LDHD: variants seen among roughly 807,000 people sequenced by gnomAD.
LDHD encodes D-lactate dehydrogenase, mitochondrial.
Under a neutral mutation model 52.9 loss-of-function variants are expected in LDHD, and 58 were observed. That is an observed-to-expected ratio of 1.10 (90% CI 0.89 to 1.36). The LOEUF (loss-of-function observed/expected upper bound fraction) is 1.36. LDHD is among the 40% of genes most tolerant of loss of function. LDHD has a pLI of 0.00. For synonymous variants in LDHD, 350 were observed against 288.6 expected, an observed-to-expected ratio of 1.21 and a Z score of -2.16; for missense variants, 747 against 668.0, an observed-to-expected ratio of 1.12 and a Z score of -1.30.
At chr16:75,116,484 C>T in intron 1 of LDHD, 165 bp downstream of exon 1, 1 of 587,126 alleles carries the variant, frequency 1.7e-6, no homozygotes, top group Non-Finnish European at 3.0e-6. Flanking sequence ...TGATCTCACT[C>T]TACACCCACC....
chr16:75,114,394 CA>C, intron 5 of LDHD, 131 bp downstream of exon 5: 4 of 1,365,690 alleles, frequency 2.9e-6, no homozygotes, highest in Non-Finnish European at 3.9e-6. Context: ...GACAGGGCTT[CA>C]GAGCCTGAGG....
rs1329099210 is a variant in LDHD at position 75,113,538 on chromosome 16, G to A, written c.1083C>T (p.Cys361=). 6.2e-7 allele frequency: 1 copy of A among 1,605,410 alleles called. No homozygotes were observed. Among genetic ancestry groups the A allele is most frequent in the Admixed American group, 1.7e-5 (1 of 58,608 alleles). ...CTGTACCCCAGCCCCAGCTCACCTT[G>A]CAGCCTGGCCGCGTGGCCAGGGCTG... ...WYAALATRPG[C]KGYSTDVCVP... is the part of the protein sequence containing the mutation. Residue 361 remains cysteine, a synonymous_variant, in exon 8 of 11, where the codon TGC becomes TGT. Transcript: ENST00000450168.
rs376526228 is a variant in LDHD, at chr16:75,116,642, C to T, written c.72+7G>A. 1.2e-6 allele frequency: 2 copies of T among 1,605,702 alleles called. No homozygotes were observed. Among genetic ancestry groups the T allele is most frequent in the Non-Finnish European group, 8.5e-7 (1 of 1,176,266 alleles). Reference sequence around the variant, plus strand: ...CCCTCCAGAGGACTTCTCTTCTCTCCCGGTACCTTTGCCTTCTGGGAGCAG... The same window carrying T: ...CCCTCCAGAGGACTTCTCTTCTCTCTCGGTACCTTTGCCTTCTGGGAGCAG... On this transcript the variant is annotated splice_region_variant and intron_variant, in intron 1 of 10. Coordinates refer to ENST00000450168, the MANE Select transcript of LDHD (RefSeq NM_194436.3).
In LDHD at chr16:75,112,600, A is replaced by G; in HGVS notation, c.1289+2T>C. ...TCTTCCCCTCCCTGGCTTTGCTCCT[A>G]CCTGCCCAGCTGTTCTGCAAAAGCC... On this transcript the variant is annotated splice_donor_variant, in intron 10 of 10. Transcript: ENST00000450168. LOFTEE classifies it high-confidence loss of function. The G allele has an allele frequency of 6.2e-7, 1 of 1,613,948 alleles. No homozygotes were observed. The highest frequency in any genetic ancestry group is 8.5e-7 in the Non-Finnish European group (1 of 1,179,990).
In LDHD at chr16:75,112,920, T is replaced by G. The variant is rs751029894; in HGVS notation, c.1091A>C (p.Tyr364Ser). Residue 364 changes from tyrosine (Y) to serine (S), a missense_variant, in exon 9 of 11, where the codon TAC becomes TCC. By Grantham distance (144) the Tyr-to-Ser change is moderately radical. Coordinates refer to ENST00000450168, the MANE Select transcript of LDHD (RefSeq NM_194436.3). ...ALATRPGCKG[Y>S]STDVCVPISR... Reference sequence around the variant, plus strand: ...GATGGGCACACACACATCCGTGGAGTAGCCCTGGTCAGAGGGAAGCCTATG... The same window carrying G: ...GATGGGCACACACACATCCGTGGAGGAGCCCTGGTCAGAGGGAAGCCTATG... The G allele has an allele frequency of 6.2e-7, 1 of 1,610,492 alleles. No homozygotes were observed. The highest frequency in any genetic ancestry group is 8.5e-7 in the Non-Finnish European group (1 of 1,179,350).
In LDHD at chr16:75,114,181, A is replaced by C. The variant is rs2036482125; in HGVS notation, c.630-16T>G. ...TGCACTCTTCCTACGTCCCAGGGAC[A>C]CACAAGGTGAGTACCAGGCTGTGTG... On this transcript the variant is annotated splice_polypyrimidine_tract_variant and intron_variant, in intron 5 of 10. Coordinates refer to ENST00000450168, the MANE Select transcript of LDHD (RefSeq NM_194436.3). The C allele has an allele frequency of 6.2e-7, 1 of 1,611,048 alleles. No homozygotes were observed. Among genetic ancestry groups the C allele is most frequent in the Non-Finnish European group, 8.5e-7 (1 of 1,179,974 alleles).
Position 75,112,368 on chromosome 16 carries a change from G to T in LDHD, c.1443C>A (p.Gly481=), listed in dbSNP as rs147638927. ...GCTCAGACCCCCTTCACAGCACTTTGCCTGGATTCATGAGGCCTTGGGGGT... is the reference window on the plus strand; with the variant it reads ...GCTCAGACCCCCTTCACAGCACTTTTCCTGGATTCATGAGGCCTTGGGGGT... ...VLDPQGLMNP[G]KVL is the part of the protein sequence containing the mutation. Residue 481 remains glycine, a synonymous_variant, in exon 11 of 11, where the codon GGC becomes GGA. Coordinates refer to ENST00000450168, the MANE Select transcript of LDHD (RefSeq NM_194436.3). 5.0e-3 allele frequency: 8,047 copies of T among 1,610,890 alleles called. 34 individuals carry two copies. The highest frequency in any genetic ancestry group is 8.8e-3 in the Middle Eastern group (53 of 6,048).
Position 75,115,495 on chromosome 16 carries a change from C to A in LDHD, c.185+53G>T, listed in dbSNP as rs763647850. 81 of 1,582,254 alleles carry A rather than the reference C, an allele frequency of 5.1e-5. No individual in the cohort carries two copies. The Middle Eastern group carries it at 1.8e-3, about 36-fold the overall frequency. On this transcript the variant is annotated intron_variant, in intron 2 of 10. Transcript: ENST00000450168. ...GAAGGCAACCCAGCACCCTCTCTCT[C>A]AGCTGGGGTTGAATCCAGAAGACAG... is the stretch of plus-strand genomic sequence containing the variant.
chr16:75,112,372 G>A lies in LDHD; in HGVS notation c.1439C>T (p.Pro480Leu). 6.2e-7 allele frequency: 1 copy of A among 1,611,716 alleles called. No homozygotes were observed. Among genetic ancestry groups the A allele is most frequent in the Non-Finnish European group, 8.5e-7 (1 of 1,178,694 alleles). The change falls in exon 11 of 11, where the codon CCA becomes CTA. Residue 480 changes from proline (P) to leucine (L), a missense_variant. Coordinates refer to ENST00000450168, the MANE Select transcript of LDHD (RefSeq NM_194436.3). The stretch of plus-strand genomic sequence containing the variant: ...AGACCCCCTTCACAGCACTTTGCCT[G>A]GATTCATGAGGCCTTGGGGGTCTAG... ...AVLDPQGLMN[P>L]GKVL
At position 75,113,649 on chromosome 16, in the gene LDHD, C is replaced by T; in HGVS notation, c.972G>A (p.Gln324=). The change falls in exon 8 of 11, where the codon CAG becomes CAA. Residue 324 remains glutamine (Q), a synonymous_variant. Transcript: ENST00000450168. Reference sequence around the variant, plus strand: ...AGGAGAAGTCAGAGGCTCCGTTCTGCTGGACTATCTCCTCTGCAGTTGGGG... The same window carrying T: ...AGGAGAAGTCAGAGGCTCCGTTCTGTTGGACTATCTCCTCTGCAGTTGGGG... ...EQLQRTEEIV[Q]QNGASDFSWA... The T allele has an allele frequency of 6.2e-7, 1 of 1,613,418 alleles. No individual in the cohort carries two copies. Among genetic ancestry groups the T allele is most frequent in the Non-Finnish European group, 8.5e-7 (1 of 1,180,004 alleles).
chr16:75,115,186 G>T lies in LDHD; in HGVS notation c.327+12C>A. The T allele has an allele frequency of 1.9e-6, 3 of 1,608,998 alleles. No homozygotes were observed. Among genetic ancestry groups the T allele is most frequent in the Non-Finnish European group, 2.5e-6 (3 of 1,178,366 alleles). ...GACCATCCTCGGGCCGGGCGAGGGAGCCCCACTGTACCTGCACAGCACAGA... is the reference window on the plus strand; with the variant it reads ...GACCATCCTCGGGCCGGGCGAGGGATCCCCACTGTACCTGCACAGCACAGA... On this transcript the variant is annotated intron_variant, in intron 3 of 10. Transcript: ENST00000450168.
intron 6 of LDHD, 44 bp from the exon 7 acceptor site, chr16:75,113,914 C>T (rs894390576): frequency 3.1e-5 from 50 of 1,610,838 alleles, no homozygotes; most frequent in Non-Finnish European, 4.1e-5. Flanking sequence ...CTGGCCTTCC[C>T]AGGGGGCCTC....
Position 75,116,713 on chromosome 16 carries a change from C to T in LDHD, c.8G>A (p.Arg3Gln). The change falls in exon 1 of 11, where the codon CGA becomes CAA. Residue 3 changes from arginine to glutamine, a missense_variant. Physicochemically the swap from Arg to Gln is conservative, Grantham distance 43. Transcript: ENST00000450168. ...CTCCCAGGTTGCAGACCTGAGCAGT[C>T]GGGCCATAGCCAGGCACTGGCCAGA... Reference protein sequence around the residue: MARLLRSATWELF... With the variant: MAQLLRSATWELF... The T allele has an allele frequency of 2.5e-6, 4 of 1,590,118 alleles. No individual in the cohort carries two copies. The East Asian group carries it at 9.2e-5, about 37-fold the overall frequency.
rs150088081 is a variant in LDHD, at chr16:75,112,437, G to T, written c.1374C>A (p.Gly458=). 3.1e-6 allele frequency: 5 copies of T among 1,613,314 alleles called. No homozygotes were observed. Among genetic ancestry groups the T allele is most frequent in the Non-Finnish European group, 4.2e-6 (5 of 1,180,016 alleles). The change falls in exon 11 of 11, where the codon GGC becomes GGA. Residue 458 remains glycine, a synonymous_variant. Transcript: ENST00000450168. ...GCCGCATGGTCTCCACGCCCACGGC[G>T]CCCACCTCCTCCTGCAGCAGCTGCC... ...GKRQLLQEEV[G]AVGVETMRQL...
In LDHD at chr16:75,112,935, G is replaced by T; in HGVS notation, c.1087-11C>A. The T allele has an allele frequency of 6.2e-7, 1 of 1,604,590 alleles. No individual in the cohort carries two copies. ...ATCCGTGGAGTAGCCCTGGTCAGAG[G>T]GAAGCCTATGAGTTACCCCTGCCTG... On this transcript the variant is annotated splice_polypyrimidine_tract_variant and intron_variant, in intron 8 of 10. Coordinates refer to ENST00000450168, the MANE Select transcript of LDHD (RefSeq NM_194436.3).
rs1479921776 is a variant in LDHD, at chr16:75,115,947, G to T, written c.73-287C>A. 2.6e-5 allele frequency among the ~76,000 whole-genome samples: 4 copies of T among 151,642 alleles called. No homozygotes were observed. In the East Asian group the frequency reaches 7.8e-4, roughly 29 times the overall value. The stretch of plus-strand genomic sequence containing the variant: ...TTTAATAAAAACAGGGTCTTACTAT[G>T]TTGCCCAGGATGGTTTCAAACTCCT... On this transcript the variant is annotated intron_variant, in intron 1 of 10. Coordinates refer to ENST00000450168, the MANE Select transcript of LDHD (RefSeq NM_194436.3).
chr16:75,113,635 G>C lies in LDHD; in HGVS notation c.986C>G (p.Ser329Cys). ...GGCCTCCTTGGCCCAGGAGAAGTCA[G>C]AGGCTCCGTTCTGCTGGACTATCTC... ...TEEIVQQNGASDFSWAKEAEE... is the reference protein window; with the variant it reads ...TEEIVQQNGACDFSWAKEAEE... Residue 329 changes from serine (S) to cysteine (C), a missense_variant, in exon 8 of 11, where the codon TCT (serine) becomes TGT (cysteine). Ser to Cys is a moderately radical substitution (Grantham distance 112). Coordinates refer to ENST00000450168, the MANE Select transcript of LDHD (RefSeq NM_194436.3). 1.9e-6 allele frequency: 3 copies of C among 1,613,352 alleles called. No homozygotes were observed.
chr16:75,114,159 A>C lies in LDHD; in HGVS notation c.636T>G (p.Ser212Arg), dbSNP rs1335706559. The C allele has an allele frequency of 3.1e-6, 5 of 1,611,994 alleles. No homozygotes were observed. Among genetic ancestry groups the C allele is most frequent in the African/African-American group, 1.3e-5 (1 of 74,788 alleles). The part of the protein sequence containing the change: ...TAGRGRHFRK[S>R]AAGYNLTGLF... ...GCCCCGTGAGGTTGTAGCCGGCTGC[A>C]CTCTTCCTACGTCCCAGGGACACAC... Residue 212 changes from serine to arginine, a missense_variant, in exon 6 of 11, where the codon AGT becomes AGG. By Grantham distance (110) the Ser-to-Arg change is moderately radical. Transcript: ENST00000450168.
At chr16:75,114,335 G>A (rs1301063194) in intron 5 of LDHD, 170 bp from the exon 6 acceptor site, 1 of 1,467,862 alleles carries the variant, frequency 6.8e-7, no homozygotes, top group South Asian at 1.3e-5. Flanking sequence ...AAGCCAGTCG[G>A]CCTCAGGCAG....
Sources: gnomAD v4.1 joint callset for allele counts (sites outside exome capture counted in the v4.1 genomes callset) on GRCh38, gnomAD v4.1.1 for gene constraint, MANE v1.5 for transcripts, NCBI Gene and HGNC (gene_info 2026-07-23, HGNC 2026-07-21) for gene names.